LRRC72: variants seen among roughly 807,000 people sequenced by gnomAD.
LRRC72 encodes leucine rich repeat containing 72.
LRRC72 carries 41 observed loss-of-function variants against 35.8 expected under a neutral mutation model. The ratio of observed to expected loss-of-function variants is 1.15; its 90% CI spans 0.89 to 1.49. The LOEUF (loss-of-function observed/expected upper bound fraction) is 1.49, where lower values mean the gene tolerates loss of function less well. Ranked by LOEUF, LRRC72 falls within the 40% of genes most tolerant of loss-of-function variation. LRRC72 has a pLI of 0.00. For missense variants in LRRC72, 389 were observed against 330.7 expected (o/e 1.18, Z -1.37); for synonymous variants, 118 against 119.2 (o/e 0.99, Z 0.07).
rs1239439988 is a variant in LRRC72 at position 16,531,180 on chromosome 7, CA to C, written c.91-1301del. 2.6e-3 allele frequency among the ~76,000 whole-genome samples: 302 copies of C among 117,460 alleles called. 1 individual carries two copies. Among genetic ancestry groups the C allele is most frequent in the East Asian group, 4.8e-3 (20 of 4,170 alleles). 77.1% of individuals were successfully genotyped at this position (117,460 alleles called of 152,430 possible). Reference sequence around the variant, plus strand: ...CCTGGGCAACAGAGCAAAACTCTCTCAAAAAAAAAAAAAAGAAAAACAAAAA... The same window carrying C: ...CCTGGGCAACAGAGCAAAACTCTCTCAAAAAAAAAAAAAGAAAAACAAAAA... On this transcript the variant is annotated intron_variant, in intron 1 of 8. Coordinates refer to ENST00000401542, the MANE Select transcript of LRRC72 (RefSeq NM_001195280.2).
At chr7:16,529,949 T>G (rs1782133580) in intron 1 of LRRC72, among the ~76,000 whole-genome samples, 2 of 152,310 alleles carry the variant, frequency 1.3e-5, no homozygotes, top group South Asian at 4.1e-4. Context: ...TGATCTCAAG[T>G]GTTGACTTTT....
intron 1 of LRRC72, among the ~76,000 whole-genome samples, chr7:16,531,733 T>G (rs1782168702): frequency 6.6e-6 from 1 of 152,222 alleles, no homozygotes; most frequent in Non-Finnish European, 1.5e-5. Context: ...TTTCATATTA[T>G]TTTAGGTCAT....
intron 1 of LRRC72, among the ~76,000 whole-genome samples, chr7:16,529,374 C>CAGGCTA (rs1400578323): frequency 1.3e-5 from 2 of 152,280 alleles, no homozygotes; most frequent in East Asian, 3.9e-4. Flanking sequence ...CCAGCGTGTC[C>CAGGCTA]AGGCTAACAG....
intron 3 of LRRC72, among the ~76,000 whole-genome samples, chr7:16,540,726 T>C (rs1782342594): frequency 6.6e-6 from 1 of 152,114 alleles, no homozygotes; most frequent in Non-Finnish European, 1.5e-5. Context: ...TCTGATGGTT[T>C]TAAAAGTGGC....
chr7:16,552,611 T>C (rs1782572900), intron 3 of LRRC72, among the ~76,000 whole-genome samples: 2 of 152,200 alleles, frequency 1.3e-5, no homozygotes, highest in African/African-American at 2.4e-5. Flanking sequence ...TGCTGAAAAG[T>C]TCTTTAAAAA....
intron 1 of LRRC72, among the ~76,000 whole-genome samples, 176 bp downstream of exon 1, chr7:16,527,218 A>G (rs1782085250): frequency 1.3e-5 from 2 of 152,202 alleles, no homozygotes; most frequent in African/African-American, 4.8e-5. Flanking sequence ...AGAACAAAGA[A>G]TCCAGCACAA....
intron 5 of LRRC72, among the ~76,000 whole-genome samples, chr7:16,560,853 C>T (rs552141602): frequency 3.6e-4 from 55 of 151,926 alleles, no homozygotes; most frequent in Middle Eastern, 3.4e-3. Context: ...CTCAATAAAA[C>T]GATATTTTAA....
intron 7 of LRRC72, among the ~76,000 whole-genome samples, chr7:16,578,101 T>C (rs1226666533): frequency 6.6e-6 from 1 of 152,212 alleles, no homozygotes; most frequent in Admixed American, 6.5e-5. Context: ...TTTTTTATAA[T>C]AGCAAAAGTA....
intron 3 of LRRC72, among the ~76,000 whole-genome samples, chr7:16,557,122 T>C (rs1211942133): frequency 6.6e-6 from 1 of 152,204 alleles, no homozygotes; most frequent in African/African-American, 2.4e-5. Context: ...TTGGTTGAGA[T>C]GTGGTAAGAG....
chr7:16,541,903 T>A (rs1157336660), intron 3 of LRRC72, among the ~76,000 whole-genome samples: 1 of 151,942 alleles, frequency 6.6e-6, no homozygotes, highest in Non-Finnish European at 1.5e-5. Flanking sequence ...AGAGCGAGAC[T>A]CCATCTCAAA....
At chr7:16,541,230 T>A (rs1385506562) in intron 3 of LRRC72, among the ~76,000 whole-genome samples, 1 of 152,238 alleles carries the variant, frequency 6.6e-6, no homozygotes, top group Non-Finnish European at 1.5e-5. Flanking sequence ...CGACAGCTTG[T>A]ATTTGTTCAT....
At chr7:16,555,046 G>T (rs1782626798) in intron 3 of LRRC72, among the ~76,000 whole-genome samples, 1 of 152,200 alleles carries the variant, frequency 6.6e-6, no homozygotes, top group Non-Finnish European at 1.5e-5. Flanking sequence ...CAGGAGGCCA[G>T]TGGGAAAAGT....
chr7:16,552,397 G>C (rs967320647), intron 3 of LRRC72, among the ~76,000 whole-genome samples: 1 of 70,966 alleles, frequency 1.4e-5, no homozygotes, highest in Admixed American at 1.7e-4. Context: ...GCACGTGAAA[G>C]GAAATGAAGT....
At chr7:16,566,821 C>T (rs1461779342) in intron 6 of LRRC72, among the ~76,000 whole-genome samples, 2 of 152,066 alleles carry the variant, frequency 1.3e-5, no homozygotes, top group African/African-American at 4.8e-5. Context: ...TATATTGAAA[C>T]ATACAATGAA....
chr7:16,561,491 T>A (rs1782743214), intron 5 of LRRC72, among the ~76,000 whole-genome samples: 1 of 152,186 alleles, frequency 6.6e-6, no homozygotes, highest in African/African-American at 2.4e-5. Flanking sequence ...AGTGTAGAAT[T>A]GTGCCAGGCA....
intron 1 of LRRC72, 90 bp from the exon 2 acceptor site, chr7:16,532,402 ATCT>A (rs1191535415): frequency 1.2e-6 from 1 of 819,752 alleles, no homozygotes; most frequent in African/African-American, 1.7e-5. Flanking sequence ...CTTTCTTTTG[ATCT>A]TCTTGTAGAC....
intron 1 of LRRC72, chr7:16,530,058 T>A (rs1268897782): frequency 6.6e-6 from 1 of 152,244 alleles, no homozygotes; most frequent in Non-Finnish European, 1.5e-5. Context: ...TTTTTATTTA[T>A]AAATATGTTT....
chr7:16,530,570 C>A (rs998431718), intron 1 of LRRC72: 1 of 152,208 alleles, frequency 6.6e-6, no homozygotes, highest in African/African-American at 2.4e-5. Context: ...CAGACCACTT[C>A]TCTATATTTT....
chr7:16,538,901 G>A (rs967269343), intron 3 of LRRC72, among the ~76,000 whole-genome samples: 1 of 152,178 alleles, frequency 6.6e-6, no homozygotes, highest in Non-Finnish European at 1.5e-5. Context: ...CATGTGGAAT[G>A]GTGAGTCAAT....
Sources: allele counts gnomAD v4.1 joint callset (sites outside exome capture counted in the v4.1 genomes callset), GRCh38; gene constraint gnomAD v4.1.1; transcripts MANE v1.5; gene names NCBI Gene and HGNC (gene_info 2026-07-23, HGNC 2026-07-21).